Variants in NUAK1 observed in about 807,000 individuals in gnomAD.
The protein encoded by NUAK1 is NUAK family SNF1-like kinase 1.
A neutral mutation model predicts 56.9 loss-of-function variants in NUAK1; 26 were observed. The ratio of observed to expected loss-of-function variants is 0.46; its 90% CI spans 0.33 to 0.63. The LOEUF (loss-of-function observed/expected upper bound fraction) is 0.63, where lower values mean the gene tolerates loss of function less well. Ranked by LOEUF, NUAK1 falls within the 30% of genes least tolerant of loss-of-function variation. The pLI is 0.02. For missense variants in NUAK1, 727 were observed against 876.1 expected, an observed-to-expected ratio of 0.83 and a Z score of 2.15; for synonymous variants, 337 against 336.0, an observed-to-expected ratio of 1.00 and a Z score of -0.03.
chr12:106,111,828 A>T (rs987949509), intron 1 of NUAK1, among the ~76,000 whole-genome samples: 2 of 151,026 alleles, frequency 1.3e-5, no homozygotes, highest in Admixed American at 1.3e-4. Context: ...ATTTAAGCCT[A>T]CCTACAATCC....
chr12:106,083,648 G>A (rs2032541242), intron 4 of NUAK1, among the ~76,000 whole-genome samples: 1 of 152,206 alleles, frequency 6.6e-6, no homozygotes, highest in South Asian at 2.1e-4. Flanking sequence ...CAGGGAGGAA[G>A]AACAATGCCC....
At chr12:106,070,409 T>C (rs1294151933) in intron 6 of NUAK1, among the ~76,000 whole-genome samples, 2 of 152,220 alleles carry the variant, frequency 1.3e-5, no homozygotes, top group East Asian at 1.9e-4. Flanking sequence ...ACCCTCACAG[T>C]ATTTACATTC....
At chr12:106,068,558 G>C (rs2032369673) in intron 6 of NUAK1, among the ~76,000 whole-genome samples, 1 of 152,220 alleles carries the variant, frequency 6.6e-6, no homozygotes, top group Non-Finnish European at 1.5e-5. Context: ...AACACTCAGT[G>C]AGCTTGCCTT....
chr12:106,075,104 C>A (rs946359179), intron 4 of NUAK1, among the ~76,000 whole-genome samples: 1 of 152,136 alleles, frequency 6.6e-6, no homozygotes, highest in African/African-American at 2.4e-5. Context: ...CAAGTCTGGG[C>A]AGCCTCATTT....
intron 1 of NUAK1, among the ~76,000 whole-genome samples, chr12:106,113,544 A>G (rs1036478590): frequency 3.3e-5 from 5 of 151,938 alleles, no homozygotes; most frequent in Non-Finnish European, 7.4e-5. Context: ...ACCTGGTATC[A>G]GCATTCTTTA....
At chr12:106,105,287 T>C (rs1269141591) in intron 2 of NUAK1, among the ~76,000 whole-genome samples, 1 of 152,180 alleles carries the variant, frequency 6.6e-6, no homozygotes, top group Non-Finnish European at 1.5e-5. Flanking sequence ...TTTTTAAATA[T>C]TCTAGGGAAA....
At chr12:106,115,172 C>A (rs1448111454) in intron 1 of NUAK1, among the ~76,000 whole-genome samples, 1 of 152,154 alleles carries the variant, frequency 6.6e-6, no homozygotes, top group Non-Finnish European at 1.5e-5. Flanking sequence ...ACCTAAGAAG[C>A]AAAATTAGTT....
chr12:106,089,338 G>A (rs56378037), intron 2 of NUAK1, among the ~76,000 whole-genome samples: 3,287 of 152,342 alleles, frequency 0.022, 49 homozygotes, highest in Non-Finnish European at 0.03. Context: ...GCCTCACACA[G>A]ACAGAAGGGC....
chr12:106,101,685 TAACA>T (rs1182465334), intron 2 of NUAK1, among the ~76,000 whole-genome samples: 2 of 152,188 alleles, frequency 1.3e-5, no homozygotes, highest in Non-Finnish European at 2.9e-5. Context: ...ACGACAGCCC[TAACA>T]AACTAATACA....
At chr12:106,099,388 G>A (rs78953056) in intron 2 of NUAK1, among the ~76,000 whole-genome samples, 5,545 of 152,278 alleles carry the variant, frequency 0.036, 342 homozygotes, top group African/African-American at 0.13. Context: ...TTCCTTGGAT[G>A]CTGGCAGAAG....
chr12:106,083,938 A>G lies in NUAK1; in HGVS notation c.514-9T>C, dbSNP rs373698446. On this transcript the variant is annotated splice_polypyrimidine_tract_variant and intron_variant, in intron 3 of 6. Coordinates refer to ENST00000261402, the MANE Select transcript of NUAK1 (RefSeq NM_014840.3). ...CGGTGGACCACACCGTTCTGAAATG[A>G]GAAGACAAAGAGGGAATTGAATGGG... The G allele has an allele frequency of 9.9e-6, 16 of 1,613,166 alleles. No individual in the cohort carries two copies. The highest frequency in any genetic ancestry group is 1.2e-5 in the Non-Finnish European group (14 of 1,179,080).
chr12:106,077,023 A>G (rs1183757552), intron 4 of NUAK1, among the ~76,000 whole-genome samples: 1 of 152,240 alleles, frequency 6.6e-6, no homozygotes, highest in Admixed American at 6.5e-5. Context: ...TACCACCATA[A>G]AAGGATTAAC....
At chr12:106,106,762 G>C (rs2136472087) in intron 1 of NUAK1, among the ~76,000 whole-genome samples, 1 of 152,172 alleles carries the variant, frequency 6.6e-6, no homozygotes, top group African/African-American at 2.4e-5. Context: ...TTTTGTTTTT[G>C]TTTTTGTTTT....
intron 1 of NUAK1, among the ~76,000 whole-genome samples, chr12:106,128,042 C>T (rs939207001): frequency 6.6e-6 from 1 of 152,134 alleles, no homozygotes; most frequent in African/African-American, 2.4e-5. Context: ...GACGAAGAAA[C>T]CGAGTCACAG....
At position 106,120,764 on chromosome 12, in the gene NUAK1, T is replaced by C. The variant is rs11112875; in HGVS notation, c.241-14239A>G. Among the ~76,000 whole-genome samples the C allele has an allele frequency of 7.4e-3, 1,133 of 152,154 alleles. 60 individuals are homozygous for C. In the East Asian group the frequency reaches 0.11, roughly 15 times the overall value. ...GCCTATGACGCAAGATAGCAAGAGG[T>C]CTCGGCCCAGGTCCAGTGCAATGGC... On this transcript the variant is annotated intron_variant, in intron 1 of 6. Transcript: ENST00000261402.
chr12:106,092,283 C>G (rs1035169060), intron 2 of NUAK1, among the ~76,000 whole-genome samples: 2 of 152,110 alleles, frequency 1.3e-5, no homozygotes, highest in African/African-American at 4.8e-5. Flanking sequence ...CTTTGGGAGG[C>G]CGAGGCGGGT....
In NUAK1 at chr12:106,083,851, G is replaced by T. The variant is rs369430834; in HGVS notation, c.579+13C>A. On this transcript the variant is annotated intron_variant, in intron 4 of 6. Coordinates refer to ENST00000261402, the MANE Select transcript of NUAK1 (RefSeq NM_014840.3). ...CAGGCCCTGCATATCAATCGACGAC[G>T]CAAGGGCTTTACCTTAATATTGCAG... 61 of 1,612,788 alleles carry T rather than the reference G, an allele frequency of 3.8e-5. No individual in the cohort carries two copies. Among genetic ancestry groups the T allele is most frequent in the Non-Finnish European group, 4.9e-5 (58 of 1,178,940 alleles).
chr12:106,116,705 A>C (rs1384965589), intron 1 of NUAK1, among the ~76,000 whole-genome samples: 1 of 152,254 alleles, frequency 6.6e-6, no homozygotes, highest in African/African-American at 2.4e-5. Context: ...TAGGTGTTAC[A>C]TAAATATGAG....
At chr12:106,124,732 A>C (rs926549990) in intron 1 of NUAK1, among the ~76,000 whole-genome samples, 2 of 152,134 alleles carry the variant, frequency 1.3e-5, no homozygotes, top group Admixed American at 6.5e-5. Context: ...TTAAATGGCC[A>C]GGTGTGGTGG....
Sources: allele counts gnomAD v4.1 joint callset (sites outside exome capture counted in the v4.1 genomes callset), GRCh38; gene constraint gnomAD v4.1.1; transcripts MANE v1.5; gene names NCBI Gene and HGNC (gene_info 2026-07-23, HGNC 2026-07-21).